The following GALNT18 variants were observed in gnomAD, a reference collection of about 807,000 sequenced individuals.
GALNT18 encodes GalNAc-transferase 18.
A neutral mutation model predicts 69.5 loss-of-function variants in GALNT18; 44 were observed. That is an observed-to-expected ratio of 0.63 (90% CI 0.50 to 0.81). The LOEUF is 0.81. Among genes scored for constraint, GALNT18 ranks in the 40% least tolerant of loss-of-function variants. GALNT18 has a pLI of 0.00. For missense variants in GALNT18, 715 were observed against 810.0 expected (o/e 0.88, Z 1.42); for synonymous variants, 364 against 318.2 (o/e 1.14, Z -1.53).
At chr11:11,369,398 T>C (rs1174336976) in intron 6 of GALNT18, among the ~76,000 whole-genome samples, 1 of 152,198 alleles carries the variant, frequency 6.6e-6, no homozygotes, top group Non-Finnish European at 1.5e-5. Flanking sequence ...CTCCAATCTC[T>C]ACCTCCACCT....
chr11:11,366,524 C>A (rs924944452), intron 6 of GALNT18, among the ~76,000 whole-genome samples: 40 of 152,130 alleles, frequency 2.6e-4, no homozygotes, highest in Non-Finnish European at 5.1e-4. Context: ...AATGAATTAA[C>A]TCCTTGACCA....
intron 1 of GALNT18, among the ~76,000 whole-genome samples, chr11:11,549,275 G>T (rs994959229): frequency 1.3e-5 from 2 of 152,206 alleles, no homozygotes. Flanking sequence ...ACCAGTCCCA[G>T]ACTGCTTAAC....
Position 11,562,837 on chromosome 11 carries a change from G to A in GALNT18, c.235+58522C>T, listed in dbSNP as rs1189550950. ...TAACCCAGGTCACGTGGAGGAAAGT[G>A]GCAAAAAAGACTTGAACTGGGGTCT... is the stretch of plus-strand genomic sequence containing the variant. On this transcript the variant is annotated intron_variant, in intron 1 of 10. Coordinates refer to ENST00000227756, the MANE Select transcript of GALNT18 (RefSeq NM_198516.3). The surrounding 1 kb of genome is among the most constrained non-coding windows in gnomAD (Gnocchi z 4.1). 1.3e-5 allele frequency among the ~76,000 whole-genome samples: 2 copies of A among 152,052 alleles called. No individual in the cohort carries two copies. Among genetic ancestry groups the A allele is most frequent in the East Asian group, 1.9e-4 (1 of 5,174 alleles).
intron 1 of GALNT18, chr11:11,475,964 T>G (rs4482024): frequency 0.35 from 52,912 of 151,692 alleles, 9,567 homozygotes; most frequent in Admixed American, 0.48. Context: ...ACGGTTTTCT[T>G]GACGCATCCC....
chr11:11,547,224 G>A (rs1302652095), intron 1 of GALNT18, among the ~76,000 whole-genome samples: 15 of 152,040 alleles, frequency 9.9e-5, no homozygotes, highest in Admixed American at 9.8e-4. Flanking sequence ...CAGTGGGCAG[G>A]ACCCAGGTCC....
intron 1 of GALNT18, among the ~76,000 whole-genome samples, chr11:11,576,538 T>A (rs1002181884): frequency 6.6e-5 from 10 of 152,224 alleles, no homozygotes; most frequent in Non-Finnish European, 1.2e-4. Context: ...GCACTCTGAA[T>A]GTGCAACTTT....
At chr11:11,281,823 G>A (rs1366793877) in intron 10 of GALNT18, among the ~76,000 whole-genome samples, 1 of 152,104 alleles carries the variant, frequency 6.6e-6, no homozygotes, top group Admixed American at 6.5e-5. Context: ...GGTTGGGGGA[G>A]GCGGGTGGAT....
chr11:11,564,243 C>A lies in GALNT18; in HGVS notation c.235+57116G>T, dbSNP rs1436314067. Among the ~76,000 whole-genome samples the A allele has an allele frequency of 6.6e-6, 1 of 152,190 alleles. No individual in the cohort carries two copies. Among genetic ancestry groups the A allele is most frequent in the African/African-American group, 2.4e-5 (1 of 41,460 alleles). On this transcript the variant is annotated intron_variant, in intron 1 of 10. Transcript: ENST00000227756. This position sits in a 1 kb window ranked among gnomAD's most constrained non-coding sequence, Gnocchi z 4.3. ...CATAACCACTGTGCTATACTGCCTTCACCTGAAGGCTCATCTTAAGAGATA... is the reference window on the plus strand; with the variant it reads ...CATAACCACTGTGCTATACTGCCTTAACCTGAAGGCTCATCTTAAGAGATA...
chr11:11,494,752 G>C lies in GALNT18; in HGVS notation c.236-45816C>G, dbSNP rs1351105105. On this transcript the variant is annotated intron_variant, in intron 1 of 10. Coordinates refer to ENST00000227756, the MANE Select transcript of GALNT18 (RefSeq NM_198516.3). The surrounding 1 kb of genome is among the most constrained non-coding windows in gnomAD (Gnocchi z 5.7). ...CTCATCCTGGGGCATTTCCACTATA[G>C]CCAAATCAGAGAGATGAATCCGGCC... Among the ~76,000 whole-genome samples the C allele has an allele frequency of 6.6e-6, 1 of 152,174 alleles. No homozygotes were observed. Among genetic ancestry groups the C allele is most frequent in the Non-Finnish European group, 1.5e-5 (1 of 68,026 alleles).
Position 11,614,362 on chromosome 11 carries a change from A to AGAGGAGGAGGAGGAGGAG in GALNT18, c.235+6979_235+6996dup, listed in dbSNP as rs10612380. On this transcript the variant is annotated intron_variant, in intron 1 of 10. Transcript: ENST00000227756. This position sits in a 1 kb window ranked among gnomAD's most constrained non-coding sequence, Gnocchi z 5.6. ...CAAGAGAGTGAGGAGAAGAAGAAGA[A>AGAGGAGGAGGAGGAGGAG]GAGGAGGAGGAGGAGGAGGAGGAGG... Among the ~76,000 whole-genome samples the AGAGGAGGAGGAGGAGGAG allele has an allele frequency of 6.8e-6, 1 of 146,308 alleles. No homozygotes were observed. Among genetic ancestry groups the AGAGGAGGAGGAGGAGGAG allele is most frequent in the African/African-American group, 2.6e-5 (1 of 38,910 alleles).
At chr11:11,335,972 G>A (rs1006078698) in intron 7 of GALNT18, among the ~76,000 whole-genome samples, 15 of 152,100 alleles carry the variant, frequency 9.9e-5, no homozygotes, top group African/African-American at 3.4e-4. Context: ...CCAAATTCAT[G>A]GTAATTTGTT....
chr11:11,546,314 T>A lies in GALNT18; in HGVS notation c.235+75045A>T, dbSNP rs917804534. On this transcript the variant is annotated intron_variant, in intron 1 of 10. Coordinates refer to ENST00000227756, the MANE Select transcript of GALNT18 (RefSeq NM_198516.3). The surrounding 1 kb of genome is among the most constrained non-coding windows in gnomAD (Gnocchi z 5.8). The stretch of plus-strand genomic sequence containing the variant: ...AGCCAGGACCTGAGGCCATCGGGAC[T>A]CCCTGTCTTATCCTCCCCATGCACT... 2.0e-5 allele frequency among the ~76,000 whole-genome samples: 3 copies of A among 152,158 alleles called. No individual in the cohort carries two copies. Among genetic ancestry groups the A allele is most frequent in the African/African-American group, 7.2e-5 (3 of 41,428 alleles).
intron 10 of GALNT18, among the ~76,000 whole-genome samples, chr11:11,283,741 G>A (rs1346488707): frequency 6.6e-6 from 1 of 151,998 alleles, no homozygotes; most frequent in Non-Finnish European, 1.5e-5. Context: ...TACATAATCT[G>A]GAAACACACA....
chr11:11,530,846 C>A (rs1857629675), intron 1 of GALNT18, among the ~76,000 whole-genome samples: 1 of 152,246 alleles, frequency 6.6e-6, no homozygotes, highest in Non-Finnish European at 1.5e-5. Flanking sequence ...TCAGCTCCCA[C>A]TTCCTGGCAA....
intron 10 of GALNT18, among the ~76,000 whole-genome samples, chr11:11,274,285 TTTTG>T (rs1224722200): frequency 4.0e-5 from 6 of 151,142 alleles, no homozygotes; most frequent in African/African-American, 1.2e-4. Flanking sequence ...CTGCAGGAGT[TTTTG>T]TTTTTGTTTT....
At position 11,379,194 on chromosome 11, in the gene GALNT18, G is replaced by A. The variant is rs749371450; in HGVS notation, c.666C>T (p.Val222=). 31 of 1,612,812 alleles carry A rather than the reference G, an allele frequency of 1.9e-5. No individual in the cohort carries two copies. The highest frequency in any genetic ancestry group is 1.9e-5 in the Non-Finnish European group (22 of 1,180,004). Reference sequence around the variant, plus strand: ...GGCCTTCCTGCTTGCTGTGACGCACGACTTTGATGAAGCCTGGCTTCTGGC... The same window carrying A: ...GGCCTTCCTGCTTGCTGTGACGCACAACTTTGATGAAGCCTGGCTTCTGGC... The part of the protein sequence containing the change: ...VNSQKPGFIK[V]VRHSKQEGLI... The change falls in exon 4 of 11, where the codon GTC becomes GTT. Residue 222 remains valine, a synonymous_variant. Transcript: ENST00000227756.
chr11:11,510,215 G>A (rs2133912054), intron 1 of GALNT18, among the ~76,000 whole-genome samples: 1 of 152,346 alleles, frequency 6.6e-6, no homozygotes, highest in South Asian at 2.1e-4. Flanking sequence ...GACATGAAGG[G>A]TGTGGAAAGC....
intron 3 of GALNT18, among the ~76,000 whole-genome samples, chr11:11,409,011 G>A (rs376429491): frequency 2.0e-5 from 3 of 152,336 alleles, no homozygotes; most frequent in East Asian, 1.9e-4. Context: ...CAACTTTGAC[G>A]TGGTGGTGAG....
Position 11,347,647 on chromosome 11 carries a change from T to G in GALNT18, c.1093-6643A>C, listed in dbSNP as rs7109161. Among the ~76,000 whole-genome samples the G allele has an allele frequency of 0.4, 61,295 of 151,970 alleles. 13,568 individuals carry two copies. The highest frequency in any genetic ancestry group is 0.86 in the East Asian group (4,433 of 5,144). On this transcript the variant is annotated intron_variant, in intron 6 of 10. Coordinates refer to ENST00000227756, the MANE Select transcript of GALNT18 (RefSeq NM_198516.3). This position sits in a 1 kb window ranked among gnomAD's most constrained non-coding sequence, Gnocchi z 4.0. ...AATGAGCTCTTTGCTCTTGGCAAACTGTTCCCACTGTTCTCTTAGCCCAGA... is the reference window on the plus strand; with the variant it reads ...AATGAGCTCTTTGCTCTTGGCAAACGGTTCCCACTGTTCTCTTAGCCCAGA...
Sources: gnomAD v4.1 joint callset for allele counts (sites outside exome capture counted in the v4.1 genomes callset) on GRCh38, gnomAD v4.1.1 for gene constraint, Gnocchi (gnomAD v3.1) non-coding constraint, MANE v1.5 for transcripts, NCBI Gene and HGNC (gene_info 2026-07-23, HGNC 2026-07-21) for gene names.